Variants in CADM2 observed in about 807,000 individuals in gnomAD.
CADM2 encodes cell adhesion molecule 2.
Under a neutral mutation model 49.8 loss-of-function variants are expected in CADM2, and 12 were observed. The observed-to-expected ratio is 0.24, with a 90% CI of 0.15 to 0.39. The LOEUF is 0.39. Ranked by LOEUF, CADM2 falls within the 10% of genes least tolerant of loss-of-function variation. The pLI is 1.00. For missense variants in CADM2, 378 were observed against 492.3 expected, an observed-to-expected ratio of 0.77 and a Z score of 2.20; for synonymous variants, 214 against 175.4, an observed-to-expected ratio of 1.22 and a Z score of -1.74.
chr3:85,353,304 A>G (rs769898917), intron 1 of CADM2, among the ~76,000 whole-genome samples: 1 of 151,998 alleles, frequency 6.6e-6, no homozygotes, highest in Non-Finnish European at 1.5e-5. Context: ...CAGCGAGGCC[A>G]TTTCCCCCTC....
intron 1 of CADM2, among the ~76,000 whole-genome samples, chr3:85,540,947 G>A (rs9873400): frequency 0.17 from 25,808 of 151,886 alleles, 2,683 homozygotes; most frequent in Non-Finnish European, 0.23. Context: ...GACACTTGCC[G>A]TATTGGATCA....
At chr3:85,497,200 T>C (rs928649906) in intron 1 of CADM2, among the ~76,000 whole-genome samples, 2 of 151,700 alleles carry the variant, frequency 1.3e-5, no homozygotes, top group Admixed American at 6.5e-5. Flanking sequence ...TTTTTTTTCT[T>C]GTTGATTTGT....
intron 6 of CADM2, among the ~76,000 whole-genome samples, chr3:85,931,142 G>T (rs974736246): frequency 6.6e-5 from 10 of 152,040 alleles, no homozygotes; most frequent in African/African-American, 2.2e-4. Flanking sequence ...GGAGGCCAAG[G>T]TGGGAGGATC....
chr3:85,689,631 A>G (rs1206449325), intron 1 of CADM2, among the ~76,000 whole-genome samples: 3 of 152,208 alleles, frequency 2.0e-5, no homozygotes, highest in African/African-American at 7.2e-5. Flanking sequence ...TGCATTAAAA[A>G]TAAGAAGGAG....
intron 1 of CADM2, among the ~76,000 whole-genome samples, chr3:85,294,855 A>G (rs1157556115): frequency 2.0e-5 from 3 of 152,198 alleles, no homozygotes; most frequent in Non-Finnish European, 4.4e-5. Context: ...ATACCTAGGC[A>G]TTACCATTCA....
At chr3:85,134,271 GC>G (rs1271802216) in intron 1 of CADM2, among the ~76,000 whole-genome samples, 2 of 152,206 alleles carry the variant, frequency 1.3e-5, no homozygotes, top group African/African-American at 4.8e-5. Flanking sequence ...AGCTGAGGGA[GC>G]CGGCTCTGGC....
chr3:85,022,999 A>AGT (rs1490073488), intron 1 of CADM2, among the ~76,000 whole-genome samples: 1 of 152,110 alleles, frequency 6.6e-6, no homozygotes, highest in Non-Finnish European at 1.5e-5. Flanking sequence ...TTCTACTTAT[A>AGT]AAATGAGCAT....
chr3:85,278,110 A>T (rs1482227830), intron 1 of CADM2, among the ~76,000 whole-genome samples: 9 of 150,774 alleles, frequency 6.0e-5, no homozygotes, highest in Non-Finnish European at 1.0e-4. Flanking sequence ...CTTTTTTACA[A>T]CCTATATTAT....
chr3:85,402,873 G>A (rs922804957), intron 1 of CADM2, among the ~76,000 whole-genome samples: 8 of 152,124 alleles, frequency 5.3e-5, no homozygotes, highest in Non-Finnish European at 1.2e-4. Context: ...CATCTGGAAA[G>A]ACTAGTAAAT....
intron 1 of CADM2, among the ~76,000 whole-genome samples, chr3:85,276,742 T>G (rs1457154095): frequency 6.6e-6 from 1 of 151,162 alleles, no homozygotes; most frequent in Non-Finnish European, 1.5e-5. Flanking sequence ...GTACAGTATA[T>G]TATAAGAAGA....
At chr3:85,569,190 G>C (rs770961367) in intron 1 of CADM2, among the ~76,000 whole-genome samples, 2 of 152,084 alleles carry the variant, frequency 1.3e-5, no homozygotes, top group African/African-American at 2.4e-5. Context: ...CTGTATAAAT[G>C]AAATCACACT....
At chr3:85,254,425 C>A (rs1452500719) in intron 1 of CADM2, among the ~76,000 whole-genome samples, 3 of 151,966 alleles carry the variant, frequency 2.0e-5, no homozygotes, top group Non-Finnish European at 4.4e-5. Context: ...CAACCTGCAG[C>A]CCCTTTCTAC....
At chr3:85,722,781 A>T (rs1028464803) in intron 1 of CADM2, among the ~76,000 whole-genome samples, 1 of 152,172 alleles carries the variant, frequency 6.6e-6, no homozygotes, top group Non-Finnish European at 1.5e-5. Flanking sequence ...AATTTATCTA[A>T]TCTCTTCTGA....
rs10663610 is a variant in CADM2 at position 86,066,332 on chromosome 3, CAAAAAAAAAAAA to C, written c.1097-318_1097-307del. Among the ~76,000 whole-genome samples, 4 of 30,362 alleles carry C rather than the reference CAAAAAAAAAAAA, an allele frequency of 1.3e-4. No individual in the cohort carries two copies. In the East Asian group the frequency reaches 2.8e-3, roughly 21 times the overall value. 19.9% of individuals were successfully genotyped at this position (30,362 alleles called of 152,430 possible). On this transcript the variant is annotated intron_variant, in intron 9 of 9. Coordinates refer to ENST00000383699, the MANE Select transcript of CADM2 (RefSeq NM_001167675.2). ...TGGGCGAGAGAGCGAGACTCCGTCT[CAAAAAAAAAAAA>C]AAAAAAAAAAAAAAGATCTTAACAA...
rs183801698 is a variant in CADM2, at chr3:85,649,727, G to A, written c.62-76795G>A. Among the ~76,000 whole-genome samples the A allele has an allele frequency of 5.3e-5, 8 of 152,262 alleles. No individual in the cohort carries two copies. In the East Asian group the frequency reaches 1.2e-3, roughly 22 times the overall value. On this transcript the variant is annotated intron_variant, in intron 1 of 9. Coordinates refer to ENST00000383699, the MANE Select transcript of CADM2 (RefSeq NM_001167675.2). ...TCTGCAGTCTTGAGTTCAGCCATTG[G>A]TGTAACTTAGCTATGAACTCACTCA...
intron 1 of CADM2, among the ~76,000 whole-genome samples, chr3:85,212,832 T>TTCTTTCTTTCTTTCTTTCTTTCTC: frequency 2.1e-5 from 2 of 97,382 alleles, no homozygotes; most frequent in Non-Finnish European, 4.0e-5. Context: ...CTTTCTTTCT[T>TTCTTTCTTTCTTTCTTTCTTTCTC]TCTTTCTTTC....
chr3:85,834,487 A>T (rs987141171), intron 3 of CADM2, among the ~76,000 whole-genome samples: 1 of 151,800 alleles, frequency 6.6e-6, no homozygotes, highest in South Asian at 2.1e-4. Flanking sequence ...TCTACTTCCT[A>T]ATCACATTTC....
At chr3:86,001,416 T>C (rs1182398145) in intron 8 of CADM2, among the ~76,000 whole-genome samples, 1 of 151,414 alleles carries the variant, frequency 6.6e-6, no homozygotes, top group Non-Finnish European at 1.5e-5. Flanking sequence ...ACCACGAACT[T>C]GTAGCAGTGC....
chr3:85,910,341 G>T (rs919321285), intron 5 of CADM2, among the ~76,000 whole-genome samples: 1 of 151,952 alleles, frequency 6.6e-6, no homozygotes, highest in Non-Finnish European at 1.5e-5. Flanking sequence ...TATAAAAAAA[G>T]AAAATAAATG....
Sources: allele counts gnomAD v4.1 joint callset (sites outside exome capture counted in the v4.1 genomes callset), GRCh38; gene constraint gnomAD v4.1.1; transcripts MANE v1.5; gene names NCBI Gene and HGNC (gene_info 2026-07-23, HGNC 2026-07-21).